PIBF1: variants seen among roughly 807,000 people sequenced by gnomAD.
The protein encoded by PIBF1 is progesterone immunomodulatory binding factor 1, also known as progesterone-induced-blocking factor 1.
Under a neutral mutation model 112.5 loss-of-function variants are expected in PIBF1, and 90 were observed. That is an observed-to-expected ratio of 0.80 (90% CI 0.67 to 0.95). The LOEUF (loss-of-function observed/expected upper bound fraction) is 0.95. Ranked by LOEUF, PIBF1 falls within the 40% of genes least tolerant of loss-of-function variation. PIBF1 has a pLI of 0.00. For missense variants in PIBF1, 915 were observed against 852.3 expected, an observed-to-expected ratio of 1.07 and a Z score of -0.92; for synonymous variants, 301 against 288.6, an observed-to-expected ratio of 1.04 and a Z score of -0.44.
intron 14 of PIBF1, among the ~76,000 whole-genome samples, chr13:72,945,672 G>T (rs1339414392): frequency 8.6e-5 from 13 of 152,036 alleles, no homozygotes; most frequent in Admixed American, 7.2e-4. Flanking sequence ...ACAAAGAAAA[G>T]CTTCAAATTA....
intron 11 of PIBF1, among the ~76,000 whole-genome samples, chr13:72,896,723 G>T (rs896691870): frequency 1.3e-5 from 2 of 152,044 alleles, no homozygotes. Context: ...CAAGGTCTTC[G>T]AATTAACCCA....
At chr13:73,002,493 T>A (rs1324450004) in intron 17 of PIBF1, among the ~76,000 whole-genome samples, 1 of 152,204 alleles carries the variant, frequency 6.6e-6, no homozygotes, top group East Asian at 1.9e-4. Context: ...TATTCTAATC[T>A]GATTTAGAAC....
intron 10 of PIBF1, among the ~76,000 whole-genome samples, chr13:72,888,622 A>G (rs2039944218): frequency 1.3e-5 from 2 of 152,174 alleles, no homozygotes; most frequent in South Asian, 4.1e-4. Context: ...AATTAAATAA[A>G]TTGGAATTAA....
intron 14 of PIBF1, among the ~76,000 whole-genome samples, chr13:72,962,329 G>A (rs1040166382): frequency 6.6e-6 from 1 of 152,142 alleles, no homozygotes; most frequent in East Asian, 1.9e-4. Flanking sequence ...AAAAAATACA[G>A]CCAGGCATGA....
chr13:72,962,797 GA>G (rs1373313284), intron 14 of PIBF1, among the ~76,000 whole-genome samples: 1 of 152,068 alleles, frequency 6.6e-6, no homozygotes, highest in Non-Finnish European at 1.5e-5. Context: ...AATTCATATG[GA>G]ATTTCAAGGA....
chr13:72,920,500 A>G (rs976329519), intron 13 of PIBF1, among the ~76,000 whole-genome samples: 4 of 152,250 alleles, frequency 2.6e-5, no homozygotes, highest in Non-Finnish European at 5.9e-5. Flanking sequence ...GAAGTTTGCA[A>G]AGTCCACATT....
chr13:72,944,311 G>C (rs1034856594), intron 14 of PIBF1, among the ~76,000 whole-genome samples: 9 of 151,986 alleles, frequency 5.9e-5, no homozygotes, highest in Non-Finnish European at 1.3e-4. Flanking sequence ...GCTGGGCGTG[G>C]TTGTGGGCAC....
At chr13:72,858,024 TG>T (rs2038510322) in intron 10 of PIBF1, among the ~76,000 whole-genome samples, 1 of 478 alleles carries the variant, frequency 2.1e-3, no homozygotes, top group Non-Finnish European at 5.1e-3. Context: ...AAATGTACAT[TG>T]TGTGTGTGTG....
At chr13:73,000,700 A>G (rs2043833586) in intron 17 of PIBF1, among the ~76,000 whole-genome samples, 1 of 152,110 alleles carries the variant, frequency 6.6e-6, no homozygotes, top group Admixed American at 6.5e-5. Flanking sequence ...TTCTGATCCT[A>G]CTCTGCTCCA....
At chr13:72,863,657 CAAAA>C (rs529449867) in intron 10 of PIBF1, among the ~76,000 whole-genome samples, 1 of 54,408 alleles carries the variant, frequency 1.8e-5, no homozygotes, top group Non-Finnish European at 3.9e-5. Context: ...GACTCCGTCT[CAAAA>C]AAAAAAAAAA....
intron 11 of PIBF1, among the ~76,000 whole-genome samples, chr13:72,902,006 A>ATGTGTGTGTGTGTG (rs137877705): frequency 0.19 from 28,374 of 147,798 alleles, 2,877 homozygotes; most frequent in East Asian, 0.27. Context: ...GTGTATGTAT[A>ATGTGTGTGTGTGTG]TGTGTGTGTG....
intron 8 of PIBF1, among the ~76,000 whole-genome samples, chr13:72,834,577 C>T (rs1365757079): frequency 2.6e-5 from 4 of 152,074 alleles, no homozygotes; most frequent in Non-Finnish European, 4.4e-5. Context: ...CATGATTGTG[C>T]CACTGTACTT....
chr13:72,998,479 A>G (rs2043753406), intron 16 of PIBF1, among the ~76,000 whole-genome samples: 2 of 152,130 alleles, frequency 1.3e-5, no homozygotes, highest in Admixed American at 1.3e-4. Flanking sequence ...TCTAAAAAAA[A>G]AAAAAAATTC....
chr13:72,795,404 G>T lies in PIBF1; in HGVS notation c.399G>T (p.Leu133Phe). ...AACAAGAAATGGAAACCATTTTGTT[G>T]AGACAGAAACAACTAGAAGAGACAA... Reference protein sequence around the residue: ...LMKQEMETILLRQKQLEETNL... With the variant: ...LMKQEMETILFRQKQLEETNL... Residue 133 changes from leucine (L) to phenylalanine (F), a missense_variant, in exon 4 of 18, where the codon TTG becomes TTT. By Grantham distance (22) the Leu-to-Phe change is conservative. Transcript: ENST00000326291. 1 of 1,605,124 alleles carries T rather than the reference G, an allele frequency of 6.2e-7. No individual in the cohort carries two copies. Among genetic ancestry groups the T allele is most frequent in the South Asian group, 1.1e-5 (1 of 88,362 alleles).
chr13:72,942,974 C>T (rs189897754), intron 14 of PIBF1, among the ~76,000 whole-genome samples: 32 of 152,096 alleles, frequency 2.1e-4, no homozygotes, highest in Non-Finnish European at 1.8e-4. Flanking sequence ...GCACTCCAGC[C>T]CAGGTGACAG....
intron 2 of PIBF1, among the ~76,000 whole-genome samples, chr13:72,784,335 G>C (rs1371679977): frequency 6.6e-6 from 1 of 150,458 alleles, no homozygotes; most frequent in Non-Finnish European, 1.5e-5. Context: ...AATCCCAGCT[G>C]CTCGGGAGGC....
rs138057055 is a variant in PIBF1 at position 72,902,439 on chromosome 13, T to C, written c.1489-6092T>C. ...TTTAAAAAAAAAAAAAAGAATTGAT[T>C]GTTGGCATCTGAGCCTATAGTCTCT... On this transcript the variant is annotated intron_variant, in intron 11 of 17. Coordinates refer to ENST00000326291, the MANE Select transcript of PIBF1 (RefSeq NM_006346.4). 2.0e-5 allele frequency among the ~76,000 whole-genome samples: 3 copies of C among 151,666 alleles called. No individual in the cohort carries two copies. The East Asian group carries it at 5.8e-4, about 29-fold the overall frequency.
rs747812001 is a variant in PIBF1, at chr13:72,795,340, A to G, written c.354-19A>G. ...CAAATACTTTTTTAAAGCCTGCCAT[A>G]AATTCTCTTCTAATGTAGCAAATAT... On this transcript the variant is annotated intron_variant, in intron 3 of 17. Transcript: ENST00000326291. The G allele has an allele frequency of 3.4e-6, 5 of 1,467,708 alleles. No homozygotes were observed. The highest frequency in any genetic ancestry group is 1.2e-5 in the South Asian group (1 of 81,744). 90.9% of individuals were successfully genotyped at this position (1,467,708 alleles called of 1,614,324 possible).
chr13:72,924,064 A>G (rs1471015006), intron 13 of PIBF1, among the ~76,000 whole-genome samples: 1 of 152,114 alleles, frequency 6.6e-6, no homozygotes, highest in Non-Finnish European at 1.5e-5. Context: ...GCAGTTCTTC[A>G]TTTGTCTTGT....
Sources: allele counts gnomAD v4.1 joint callset (sites outside exome capture counted in the v4.1 genomes callset), GRCh38; gene constraint gnomAD v4.1.1; transcripts MANE v1.5; gene names NCBI Gene and HGNC (gene_info 2026-07-23, HGNC 2026-07-21).